BMPR1B: variants seen among roughly 807,000 people sequenced by gnomAD.
BMPR1B encodes bone morphogenetic protein receptor type-1B.
A neutral mutation model predicts 59.1 loss-of-function variants in BMPR1B; 12 were observed. The observed-to-expected ratio is 0.20, with a 90% CI of 0.13 to 0.33. The LOEUF (loss-of-function observed/expected upper bound fraction) is 0.33, where lower values mean the gene tolerates loss of function less well. BMPR1B is among the 10% of genes least tolerant of loss of function. The pLI is 1.00. For missense variants in BMPR1B, 550 were observed against 610.9 expected, an observed-to-expected ratio of 0.90 and a Z score of 1.05; for synonymous variants, 237 against 207.3, an observed-to-expected ratio of 1.14 and a Z score of -1.23.
At chr4:94,761,445 G>GTGTGTA (rs1553992286) in intron 1 of BMPR1B, among the ~76,000 whole-genome samples, 2 of 150,330 alleles carry the variant, frequency 1.3e-5, no homozygotes, top group African/African-American at 4.9e-5. Context: ...GTGTGTGTGT[G>GTGTGTA]TGTGTGTGTG....
At chr4:94,822,025 C>A (rs868517885) in intron 1 of BMPR1B, among the ~76,000 whole-genome samples, 1 of 152,174 alleles carries the variant, frequency 6.6e-6, no homozygotes, top group South Asian at 2.1e-4. Flanking sequence ...ATACCTGAGA[C>A]TGGGAAATTT....
At chr4:95,004,882 GTTGT>G (rs771181762) in intron 3 of BMPR1B, among the ~76,000 whole-genome samples, 9 of 152,042 alleles carry the variant, frequency 5.9e-5, no homozygotes, top group Non-Finnish European at 1.0e-4. Context: ...TTTTTTTGTT[GTTGT>G]TTATTTGTTT....
intron 2 of BMPR1B, among the ~76,000 whole-genome samples, chr4:94,948,073 C>A (rs114450958): frequency 0.029 from 4,428 of 152,294 alleles, 204 homozygotes; most frequent in African/African-American, 0.1. Flanking sequence ...ATTCCAGTGA[C>A]ACACATCAGA....
intron 3 of BMPR1B, among the ~76,000 whole-genome samples, chr4:95,017,884 A>T (rs1379335206): frequency 6.6e-6 from 1 of 152,212 alleles, no homozygotes; most frequent in Non-Finnish European, 1.5e-5. Flanking sequence ...CTCTAGAGAG[A>T]TAAGATGCTT....
intron 1 of BMPR1B, among the ~76,000 whole-genome samples, chr4:94,808,013 A>C (rs1948801411): frequency 6.6e-6 from 1 of 152,224 alleles, no homozygotes; most frequent in African/African-American, 2.4e-5. Flanking sequence ...ATAATAATGA[A>C]AACTTTTTTT....
chr4:94,850,953 G>A (rs1289904519), intron 1 of BMPR1B, among the ~76,000 whole-genome samples: 2 of 152,128 alleles, frequency 1.3e-5, no homozygotes, highest in Non-Finnish European at 2.9e-5. Context: ...GCAATGACTG[G>A]CATGTGCCCT....
At chr4:94,959,207 T>G (rs1006741444) in intron 2 of BMPR1B, among the ~76,000 whole-genome samples, 1 of 152,158 alleles carries the variant, frequency 6.6e-6, no homozygotes, top group Non-Finnish European at 1.5e-5. Flanking sequence ...TTTCTTTATA[T>G]TTTTAGTATA....
intron 1 of BMPR1B, among the ~76,000 whole-genome samples, chr4:94,819,999 A>T (rs577871543): frequency 6.6e-6 from 1 of 152,136 alleles, no homozygotes; most frequent in Non-Finnish European, 1.5e-5. Context: ...TCTTAGCCCT[A>T]TCCAGCTTGT....
intron 3 of BMPR1B, among the ~76,000 whole-genome samples, chr4:95,000,255 T>C (rs887103767): frequency 2.6e-5 from 4 of 152,094 alleles, no homozygotes; most frequent in African/African-American, 4.8e-5. Flanking sequence ...TGTATCTCTG[T>C]CTTAGGAATG....
At chr4:94,939,490 T>G (rs1729433128) in intron 2 of BMPR1B, among the ~76,000 whole-genome samples, 1 of 152,228 alleles carries the variant, frequency 6.6e-6, no homozygotes, top group African/African-American at 2.4e-5. Flanking sequence ...ATTTGCATAT[T>G]TGGATATTTT....
chr4:94,864,217 A>T (rs1726113194), intron 1 of BMPR1B, among the ~76,000 whole-genome samples: 1 of 152,178 alleles, frequency 6.6e-6, no homozygotes, highest in Admixed American at 6.5e-5. Flanking sequence ...AATTACTGGG[A>T]TTCAGTCTTC....
At chr4:94,912,453 C>T (rs1728313988) in intron 2 of BMPR1B, among the ~76,000 whole-genome samples, 1 of 152,066 alleles carries the variant, frequency 6.6e-6, no homozygotes, top group African/African-American at 2.4e-5. Context: ...TAAAAGTTGC[C>T]TTGGGTGTTC....
In BMPR1B at chr4:94,872,473, A is replaced by G. The variant is rs1049104422; in HGVS notation, c.-182-3358A>G. Among the ~76,000 whole-genome samples, 3 of 152,364 alleles carry G rather than the reference A, an allele frequency of 2.0e-5. No individual in the cohort carries two copies. In the East Asian group the frequency reaches 5.8e-4, roughly 29 times the overall value. ...TGAAATTCTAACTTTTGATTAAAGT[A>G]GAAGTATGAATTTTTAAACCTTTTC... On this transcript the variant is annotated intron_variant, in intron 1 of 12. Transcript: ENST00000515059.
chr4:95,061,958 T>C (rs1727430625), intron 3 of BMPR1B, among the ~76,000 whole-genome samples: 2 of 152,114 alleles, frequency 1.3e-5, no homozygotes, highest in African/African-American at 4.8e-5. Flanking sequence ...GGTTTAAAAG[T>C]GTGTGGCACT....
intron 1 of BMPR1B, among the ~76,000 whole-genome samples, chr4:94,854,485 G>A (rs1263493688): frequency 9.2e-5 from 14 of 152,022 alleles, no homozygotes; most frequent in African/African-American, 7.2e-5. Flanking sequence ...TTTTGATAAC[G>A]GTGACAAGGC....
chr4:94,793,029 T>C (rs974191140), intron 1 of BMPR1B, among the ~76,000 whole-genome samples: 1 of 152,136 alleles, frequency 6.6e-6, no homozygotes, highest in Non-Finnish European at 1.5e-5. Flanking sequence ...TTTTTATTAT[T>C]ATTATACTTT....
At chr4:95,080,544 T>C (rs1729057959) in intron 3 of BMPR1B, among the ~76,000 whole-genome samples, 1 of 152,084 alleles carries the variant, frequency 6.6e-6, no homozygotes, top group South Asian at 2.1e-4. Context: ...CCTAAAATAT[T>C]TACAAATTTT....
At chr4:95,077,622 G>GGAA (rs1728812168) in intron 3 of BMPR1B, among the ~76,000 whole-genome samples, 2 of 152,086 alleles carry the variant, frequency 1.3e-5, no homozygotes, top group Non-Finnish European at 2.9e-5. Context: ...TATTTCCTAT[G>GGAA]TATGCTCTTC....
intron 3 of BMPR1B, among the ~76,000 whole-genome samples, chr4:95,023,775 C>T (rs1344423669): frequency 6.6e-6 from 1 of 152,174 alleles, no homozygotes; most frequent in Non-Finnish European, 1.5e-5. Flanking sequence ...AATAAAACAA[C>T]AGACCTCTCA....
Sources: allele counts gnomAD v4.1 joint callset (sites outside exome capture counted in the v4.1 genomes callset), GRCh38; gene constraint gnomAD v4.1.1; transcripts MANE v1.5; gene names NCBI Gene and HGNC (gene_info 2026-07-23, HGNC 2026-07-21).